Variants in FYN observed in about 807,000 individuals in gnomAD.
FYN encodes the protein tyrosine-protein kinase Fyn.
Under a neutral mutation model 70.2 loss-of-function variants are expected in FYN, and 10 were observed. The observed-to-expected ratio is 0.14, with a 90% CI of 0.09 to 0.24. The LOEUF is 0.24. FYN is among the 10% of genes least tolerant of loss of function. FYN has a pLI of 1.00. For synonymous variants in FYN, 236 were observed against 248.6 expected (o/e 0.95, Z 0.48); for missense variants, 319 against 673.1 (o/e 0.47, Z 5.82).
At chr6:111,781,363 C>T (rs1361400952) in intron 2 of FYN, among the ~76,000 whole-genome samples, 1 of 152,188 alleles carries the variant, frequency 6.6e-6, no homozygotes, top group Non-Finnish European at 1.5e-5. Flanking sequence ...CGTTACACTC[C>T]ATCTGGTCAG....
chr6:111,797,528 T>C (rs1377285047), intron 2 of FYN, among the ~76,000 whole-genome samples: 1 of 151,450 alleles, frequency 6.6e-6, no homozygotes, highest in Non-Finnish European at 1.5e-5. Context: ...TTTAACTGCA[T>C]AGTAATAGGA....
chr6:111,680,093 A>C (rs994871318), intron 12 of FYN, among the ~76,000 whole-genome samples: 1 of 152,186 alleles, frequency 6.6e-6, no homozygotes, highest in Non-Finnish European at 1.5e-5. Context: ...AAAGTTAATA[A>C]TCATCCATGC....
intron 2 of FYN, among the ~76,000 whole-genome samples, chr6:111,823,704 T>A (rs1020402604): frequency 6.6e-6 from 1 of 152,112 alleles, no homozygotes; most frequent in Non-Finnish European, 1.5e-5. Flanking sequence ...AGCTCTTGTA[T>A]CATGCTAACA....
chr6:111,807,117 A>G (rs557078604), intron 2 of FYN, among the ~76,000 whole-genome samples: 25 of 152,210 alleles, frequency 1.6e-4, no homozygotes, highest in Non-Finnish European at 2.6e-4. Context: ...TGGGCTTATA[A>G]CAAGGGATCT....
intron 13 of FYN, among the ~76,000 whole-genome samples, chr6:111,673,619 A>ACTGTTTTTTTTTTTTTTTT (rs1301768351): frequency 6.2e-5 from 4 of 65,008 alleles, no homozygotes; most frequent in Admixed American, 2.1e-4. Context: ...CGTTTCTATC[A>ACTGTTTTTTTTTTTTTTTT]TTGTTTTTTT....
At chr6:111,682,595 C>T (rs921486889) in intron 12 of FYN, among the ~76,000 whole-genome samples, 29 of 152,162 alleles carry the variant, frequency 1.9e-4, no homozygotes, top group African/African-American at 6.3e-4. Context: ...GTACATAAGC[C>T]GGCCAGGAAA....
chr6:111,841,566 C>A lies in FYN; in HGVS notation c.-82+5023G>T, dbSNP rs537492527. ...TTCCTCACATACAACGTGGGGCAAC[C>A]GAATAAGATAACATGTGGCCTAAAA... is the stretch of plus-strand genomic sequence containing the variant. On this transcript the variant is annotated intron_variant, in intron 2 of 13. Transcript: ENST00000354650. 2.6e-5 allele frequency among the ~76,000 whole-genome samples: 4 copies of A among 152,248 alleles called. No homozygotes were observed. In the East Asian group the frequency reaches 7.7e-4, roughly 29 times the overall value.
chr6:111,838,027 A>G (rs1434869006), intron 2 of FYN, among the ~76,000 whole-genome samples: 1 of 152,182 alleles, frequency 6.6e-6, no homozygotes, highest in East Asian at 1.9e-4. Context: ...AAAAGCCATC[A>G]TGCTCACCCA....
chr6:111,674,792 G>A (rs982437538), intron 12 of FYN, among the ~76,000 whole-genome samples, 162 bp from the exon 13 acceptor site: 1 of 152,120 alleles, frequency 6.6e-6, no homozygotes, highest in African/African-American at 2.4e-5. Flanking sequence ...GGAAGATGTA[G>A]GGTCTGGTCT....
At chr6:111,868,713 T>C (rs890742221) in intron 1 of FYN, among the ~76,000 whole-genome samples, 3 of 152,204 alleles carry the variant, frequency 2.0e-5, no homozygotes, top group East Asian at 1.9e-4. Context: ...ACCAAACTAA[T>C]TGGACCTGAA....
At chr6:111,684,183 G>A (rs182228909) in intron 12 of FYN, among the ~76,000 whole-genome samples, 16 of 152,198 alleles carry the variant, frequency 1.1e-4, no homozygotes, top group Non-Finnish European at 8.8e-5. Flanking sequence ...TCCCACCGGG[G>A]ATGTGAGTGG....
rs571734951 is a variant in FYN at position 111,729,951 on chromosome 6, C to T, written c.-11-9889G>A. 2.0e-5 allele frequency among the ~76,000 whole-genome samples: 3 copies of T among 152,196 alleles called. No individual in the cohort carries two copies. The South Asian group carries it at 6.2e-4, about 32-fold the overall frequency. Reference sequence around the variant, plus strand: ...ACCTTTATTTTTCTATAAGAAAGTTCCCTTTAATATTATCAGTTACTGATT... The same window carrying T: ...ACCTTTATTTTTCTATAAGAAAGTTTCCTTTAATATTATCAGTTACTGATT... On this transcript the variant is annotated intron_variant, in intron 3 of 13. Transcript: ENST00000354650.
intron 1 of FYN, among the ~76,000 whole-genome samples, chr6:111,853,222 A>G (rs1034520896): frequency 5.3e-5 from 8 of 152,188 alleles, no homozygotes; most frequent in Non-Finnish European, 1.2e-4. Flanking sequence ...GCATTGTAAG[A>G]CTTCCACTAA....
At chr6:111,842,202 T>C (rs989578707) in intron 2 of FYN, among the ~76,000 whole-genome samples, 3 of 152,096 alleles carry the variant, frequency 2.0e-5, no homozygotes, top group Non-Finnish European at 1.5e-5. Context: ...TTGAGAAAGG[T>C]AAATGAAGAA....
intron 1 of FYN, among the ~76,000 whole-genome samples, chr6:111,869,985 A>T (rs1411494061): frequency 6.6e-6 from 1 of 152,258 alleles, no homozygotes; most frequent in African/African-American, 2.4e-5. Context: ...CTAGGTTTCT[A>T]TTTAATTCCC....
At chr6:111,857,123 T>C (rs1045292482) in intron 1 of FYN, among the ~76,000 whole-genome samples, 5 of 152,216 alleles carry the variant, frequency 3.3e-5, no homozygotes, top group Non-Finnish European at 7.3e-5. Context: ...AACTGATACT[T>C]TATTTAGCAC....
At chr6:111,869,259 C>T (rs1774202380) in intron 1 of FYN, among the ~76,000 whole-genome samples, 1 of 152,222 alleles carries the variant, frequency 6.6e-6, no homozygotes, top group African/African-American at 2.4e-5. Flanking sequence ...AGAGGAGACC[C>T]ATGTGGGCCT....
chr6:111,824,985 A>G (rs1234097381), intron 2 of FYN, among the ~76,000 whole-genome samples: 3 of 152,234 alleles, frequency 2.0e-5, no homozygotes, highest in African/African-American at 7.2e-5. Flanking sequence ...CCCATCTCTG[A>G]GCATTGCAGG....
At chr6:111,799,929 C>T (rs1771931045) in intron 2 of FYN, among the ~76,000 whole-genome samples, 1 of 152,212 alleles carries the variant, frequency 6.6e-6, no homozygotes, top group Admixed American at 6.5e-5. Flanking sequence ...TATGGACAAA[C>T]CTCGCAGCTT....
Sources: allele counts gnomAD v4.1 joint callset (sites outside exome capture counted in the v4.1 genomes callset), GRCh38; gene constraint gnomAD v4.1.1; transcripts MANE v1.5; gene names NCBI Gene and HGNC (gene_info 2026-07-23, HGNC 2026-07-21).